Variants in JAKMIP2 observed in about 807,000 individuals in gnomAD.
The protein encoded by JAKMIP2 is janus kinase and microtubule-interacting protein 2.
A neutral mutation model predicts 115.0 loss-of-function variants in JAKMIP2; 25 were observed. The observed-to-expected ratio is 0.22, with a 90% CI of 0.16 to 0.30. JAKMIP2 has a LOEUF of 0.30. Among genes scored for constraint, JAKMIP2 ranks in the 10% least tolerant of loss-of-function variants. JAKMIP2 has a pLI of 1.00. For missense variants in JAKMIP2, 642 were observed against 957.6 expected, an observed-to-expected ratio of 0.67 and a Z score of 4.35; for synonymous variants, 334 against 343.6, an observed-to-expected ratio of 0.97 and a Z score of 0.31.
At chr5:147,777,778 T>C (rs1252867359) in intron 1 of JAKMIP2, among the ~76,000 whole-genome samples, 5 of 152,164 alleles carry the variant, frequency 3.3e-5, no homozygotes, top group Admixed American at 6.5e-5. Flanking sequence ...TCAGACGCCA[T>C]GATTTTCTAT....
intron 1 of JAKMIP2, among the ~76,000 whole-genome samples, chr5:147,754,466 A>G (rs1286172396): frequency 1.3e-5 from 2 of 152,188 alleles, no homozygotes; most frequent in Non-Finnish European, 2.9e-5. Context: ...AACTAAGATA[A>G]AAGGATGATT....
chr5:147,678,574 A>C (rs1018559005), intron 1 of JAKMIP2, among the ~76,000 whole-genome samples: 1 of 152,090 alleles, frequency 6.6e-6, no homozygotes, highest in African/African-American at 2.4e-5. Flanking sequence ...TCTGAATAAT[A>C]GCATTATTCT....
chr5:147,644,754 T>C, intron 6 of JAKMIP2, 96 bp downstream of exon 6: 2 of 1,134,742 alleles, frequency 1.8e-6, no homozygotes, highest in Non-Finnish European at 2.5e-6. Flanking sequence ...CAAATAGCAC[T>C]GTATTTTTAA....
At chr5:147,696,586 CT>C (rs1159416080) in intron 1 of JAKMIP2, among the ~76,000 whole-genome samples, 4 of 152,224 alleles carry the variant, frequency 2.6e-5, no homozygotes, top group African/African-American at 9.6e-5. Flanking sequence ...TAAATTGGTA[CT>C]GCAGAGAGTG....
chr5:147,648,895 A>G (rs1758258871), intron 4 of JAKMIP2, among the ~76,000 whole-genome samples: 1 of 152,204 alleles, frequency 6.6e-6, no homozygotes, highest in South Asian at 2.1e-4. Flanking sequence ...CATTAGCCAC[A>G]GAGGGGAGAG....
intron 1 of JAKMIP2, among the ~76,000 whole-genome samples, chr5:147,775,583 A>G (rs996423017): frequency 3.3e-5 from 5 of 152,214 alleles, no homozygotes; most frequent in African/African-American, 1.2e-4. Flanking sequence ...GCAGTCTTTA[A>G]TGATGGATTG....
chr5:147,623,256 A>G (rs932784106), intron 17 of JAKMIP2, among the ~76,000 whole-genome samples: 1 of 149,274 alleles, frequency 6.7e-6, no homozygotes, highest in Non-Finnish European at 1.5e-5. Flanking sequence ...AGTTATTCTA[A>G]TGGATGTAAG....
At chr5:147,739,087 G>T (rs900079837) in intron 1 of JAKMIP2, among the ~76,000 whole-genome samples, 3 of 152,096 alleles carry the variant, frequency 2.0e-5, no homozygotes, top group African/African-American at 7.2e-5. Context: ...GCCTCACCAA[G>T]GGGAAGGGGC....
At chr5:147,740,718 GCT>G (rs1449993820) in intron 1 of JAKMIP2, among the ~76,000 whole-genome samples, 3 of 152,170 alleles carry the variant, frequency 2.0e-5, no homozygotes, top group South Asian at 2.1e-4. Flanking sequence ...CCAGTGTCAG[GCT>G]CTGTCTTCAT....
At chr5:147,599,234 AT>A (rs1755565062) in intron 21 of JAKMIP2, among the ~76,000 whole-genome samples, 1 of 152,200 alleles carries the variant, frequency 6.6e-6, no homozygotes, top group Admixed American at 6.5e-5. Flanking sequence ...TGCCTTTGAC[AT>A]GCATAACCTC....
chr5:147,660,886 C>G, intron 3 of JAKMIP2, 62 bp downstream of exon 3: 2 of 1,562,058 alleles, frequency 1.3e-6, no homozygotes, highest in Non-Finnish European at 1.7e-6. Context: ...GCAAACCCCA[C>G]AGCGCTCTGA....
intron 1 of JAKMIP2, among the ~76,000 whole-genome samples, chr5:147,719,676 C>T (rs897830352): frequency 6.6e-6 from 1 of 151,084 alleles, no homozygotes; most frequent in Non-Finnish European, 1.5e-5. Context: ...GCAACCCCTG[C>T]CTTTTTTTGT....
Position 147,590,392 on chromosome 5 carries a change from T to G in JAKMIP2, c.*1315A>C, listed in dbSNP as rs1466362240. ...ACTCCAAGACTCAGTAATACACAAC[T>G]TAGGAAAAGTACCAGTCCTCTAATT... On this transcript the variant is annotated 3_prime_UTR_variant, in exon 22 of 22. Transcript: ENST00000616793. 6.6e-6 allele frequency: 1 copy of G among 152,154 alleles called. No individual in the cohort carries two copies. Among genetic ancestry groups the G allele is most frequent in the Non-Finnish European group, 1.5e-5 (1 of 68,028 alleles). 9.4% of individuals were successfully genotyped at this position (152,154 alleles called of 1,614,324 possible). A position where few individuals can be genotyped will look rare whatever the true frequency, so the allele number is the denominator to read the frequency against.
intron 1 of JAKMIP2, among the ~76,000 whole-genome samples, chr5:147,677,533 C>G (rs1760034625): frequency 1.3e-5 from 2 of 152,150 alleles, no homozygotes; most frequent in South Asian, 2.1e-4. Context: ...CAAGGTTCCT[C>G]CTGGCAGGGT....
intron 21 of JAKMIP2, 130 bp downstream of exon 21, chr5:147,601,601 TCAAAACAAAA>T (rs111740872): frequency 0.024 from 10,612 of 439,618 alleles, 438 homozygotes; most frequent in East Asian, 0.16. Context: ...AGACTCTGTC[TCAAAACAAAA>T]CAAAACAAAA....
At chr5:147,653,112 G>A (rs190969502) in intron 3 of JAKMIP2, among the ~76,000 whole-genome samples, 4 of 152,206 alleles carry the variant, frequency 2.6e-5, no homozygotes, top group Non-Finnish European at 5.9e-5. Context: ...CTATATAATT[G>A]ATGGGCATTT....
rs1016963358 is a variant in JAKMIP2, at chr5:147,586,558, A to G, written c.*5149T>C. The G allele has an allele frequency of 2.0e-5, 3 of 152,120 alleles. No individual in the cohort carries two copies. The highest frequency in any genetic ancestry group is 7.2e-5 in the African/African-American group (3 of 41,408). 9.4% of individuals were successfully genotyped at this position (152,120 alleles called of 1,614,324 possible). A position where few individuals can be genotyped will look rare whatever the true frequency, so the allele number is the denominator to read the frequency against. On this transcript the variant is annotated 3_prime_UTR_variant, in exon 22 of 22. Coordinates refer to ENST00000616793, the MANE Select transcript of JAKMIP2 (RefSeq NM_001270941.2). ...ATTCTCACCCTACAGAACTTTGCAT[A>G]TAACAAGGATGAAAATATAAGCATG...
intron 1 of JAKMIP2, among the ~76,000 whole-genome samples, chr5:147,702,611 A>AGAAGGAAG (rs1381502567): frequency 6.0e-5 from 2 of 33,454 alleles, no homozygotes; most frequent in African/African-American, 1.9e-4. Context: ...AAGGAAAGAA[A>AGAAGGAAG]GAAAGAAAGA....
In JAKMIP2 at chr5:147,589,707, G is replaced by T. The variant is rs1755024961; in HGVS notation, c.*2000C>A. On this transcript the variant is annotated 3_prime_UTR_variant, in exon 22 of 22. Transcript: ENST00000616793. ...ACTCTTCTATCTTGTTCAATAGCAT[G>T]AGATGATCTATTTCCTATAGATTAT... 1 of 152,148 alleles carries T rather than the reference G, an allele frequency of 6.6e-6. No homozygotes were observed. Among genetic ancestry groups the T allele is most frequent in the Non-Finnish European group, 1.5e-5 (1 of 68,046 alleles). The allele number at this position is 152,148 out of a possible 1,614,324, so 9.4% of individuals were successfully genotyped here.
Sources: gnomAD v4.1 joint callset for allele counts (sites outside exome capture counted in the v4.1 genomes callset) on GRCh38, gnomAD v4.1.1 for gene constraint, MANE v1.5 for transcripts, NCBI Gene and HGNC (gene_info 2026-07-23, HGNC 2026-07-21) for gene names.